TMTC2: variants seen among roughly 807,000 people sequenced by gnomAD.
TMTC2 encodes protein O-mannosyl-transferase TMTC2.
Under a neutral mutation model 82.4 loss-of-function variants are expected in TMTC2, and 43 were observed. The ratio of observed to expected loss-of-function variants is 0.52; its 90% CI spans 0.41 to 0.67. The LOEUF is 0.67. Among genes scored for constraint, TMTC2 ranks in the 30% least tolerant of loss-of-function variants. TMTC2 has a pLI of 0.00. For synonymous variants in TMTC2, 408 were observed against 381.9 expected (o/e 1.07, Z -0.80); for missense variants, 919 against 1,012.4 (o/e 0.91, Z 1.25).
intron 8 of TMTC2, among the ~76,000 whole-genome samples, chr12:82,991,704 C>T (rs1879410669): frequency 6.6e-6 from 1 of 152,036 alleles, no homozygotes; most frequent in Non-Finnish European, 1.5e-5. Flanking sequence ...TGATTTATTC[C>T]TTGTTTGAAC....
chr12:82,876,037 T>TGGG (rs1167106090), intron 2 of TMTC2, among the ~76,000 whole-genome samples: 2 of 97,214 alleles, frequency 2.1e-5, no homozygotes, highest in South Asian at 4.0e-4. Flanking sequence ...GCGGTGGTGG[T>TGGG]GGTGGTGGTG....
rs1024282628 is a variant in TMTC2, at chr12:82,755,845, T to G, written c.83+68176T>G. On this transcript the variant is annotated intron_variant, in intron 1 of 11. Coordinates refer to ENST00000321196, the MANE Select transcript of TMTC2 (RefSeq NM_152588.3). ...TGTCATTGATTTTTGTTGTGGTGGT[T>G]GTTGTTAGTATTTTTCTTAAAAAAT... Among the ~76,000 whole-genome samples the G allele has an allele frequency of 5.9e-5, 9 of 152,232 alleles. No homozygotes were observed. The South Asian group carries it at 6.2e-4, about 11-fold the overall frequency.
At chr12:83,052,393 T>G (rs952042232) in intron 10 of TMTC2, among the ~76,000 whole-genome samples, 3 of 152,084 alleles carry the variant, frequency 2.0e-5, no homozygotes, top group Non-Finnish European at 4.4e-5. Context: ...CAAAGGGAAA[T>G]CAGGATTCAA....
At chr12:82,796,315 T>C (rs1878716080) in intron 1 of TMTC2, among the ~76,000 whole-genome samples, 1 of 152,124 alleles carries the variant, frequency 6.6e-6, no homozygotes, top group Non-Finnish European at 1.5e-5. Flanking sequence ...ATGATTTTTA[T>C]TTGCTATAAA....
chr12:82,689,781 C>A lies in TMTC2; in HGVS notation c.83+2112C>A, dbSNP rs144580562. Among the ~76,000 whole-genome samples the A allele has an allele frequency of 2.0e-3, 298 of 152,222 alleles. 1 individual carries two copies. Among genetic ancestry groups the A allele is most frequent in the African/African-American group, 6.7e-3 (278 of 41,544 alleles). On this transcript the variant is annotated intron_variant, in intron 1 of 11. Coordinates refer to ENST00000321196, the MANE Select transcript of TMTC2 (RefSeq NM_152588.3). ...GAGTGTTAAAATTCGTGACTTCTATCTTGTAGCTACATAGGTGAATATAGT... is the reference window on the plus strand; with the variant it reads ...GAGTGTTAAAATTCGTGACTTCTATATTGTAGCTACATAGGTGAATATAGT...
intron 7 of TMTC2, among the ~76,000 whole-genome samples, chr12:82,985,238 G>C (rs1370092328): frequency 6.6e-6 from 1 of 151,700 alleles, no homozygotes; most frequent in Non-Finnish European, 1.5e-5. Flanking sequence ...TTTTTTCAGA[G>C]ATGGAGTTTC....
intron 1 of TMTC2, among the ~76,000 whole-genome samples, chr12:82,796,855 TA>T: frequency 6.6e-6 from 1 of 152,252 alleles, no homozygotes; most frequent in African/African-American, 2.4e-5. Context: ...TCAACCCCTC[TA>T]AGCCTCAGTT....
chr12:83,005,747 A>G (rs1655593), intron 8 of TMTC2, among the ~76,000 whole-genome samples: 116,569 of 152,086 alleles, frequency 0.77, 46,215 homozygotes, highest in South Asian at 0.93. Flanking sequence ...CTCCCAGGCC[A>G]CTAGCAAAGC....
At chr12:82,881,201 G>GT (rs1365185779) in intron 2 of TMTC2, among the ~76,000 whole-genome samples, 3 of 152,144 alleles carry the variant, frequency 2.0e-5, no homozygotes, top group African/African-American at 4.8e-5. Context: ...GTAAAATTCT[G>GT]TTTTAACTGA....
chr12:82,890,517 T>C (rs568322605), intron 2 of TMTC2, among the ~76,000 whole-genome samples: 1 of 152,328 alleles, frequency 6.6e-6, no homozygotes, highest in African/African-American at 2.4e-5. Context: ...CTTAAAACTT[T>C]GTGAAACAAG....
At chr12:82,702,553 A>G (rs1452020210) in intron 1 of TMTC2, among the ~76,000 whole-genome samples, 1 of 152,216 alleles carries the variant, frequency 6.6e-6, no homozygotes, top group Non-Finnish European at 1.5e-5. Context: ...TCTCAAGTCT[A>G]TGGAATTAAT....
chr12:82,842,847 A>C (rs1791903959), intron 1 of TMTC2, among the ~76,000 whole-genome samples: 1 of 152,132 alleles, frequency 6.6e-6, no homozygotes, highest in African/African-American at 2.4e-5. Flanking sequence ...CTTGGACACC[A>C]GTCATGTTGG....
At chr12:82,783,886 A>G (rs1878034771) in intron 1 of TMTC2, among the ~76,000 whole-genome samples, 2 of 152,058 alleles carry the variant, frequency 1.3e-5, no homozygotes, top group African/African-American at 4.8e-5. Flanking sequence ...TCAATTGTTG[A>G]AATATGGGAT....
intron 1 of TMTC2, among the ~76,000 whole-genome samples, chr12:82,729,975 C>T (rs943457675): frequency 6.6e-6 from 1 of 152,118 alleles, no homozygotes; most frequent in Non-Finnish European, 1.5e-5. Context: ...GGAAGGTCTG[C>T]AGCTTCACTC....
rs189406102 is a variant in TMTC2 at position 82,798,478 on chromosome 12, C to G, written c.84-58532C>G. On this transcript the variant is annotated intron_variant, in intron 1 of 11. Transcript: ENST00000321196. ...TGCCACTGCACTCCGGCCTGCGCGA[C>G]AGAGGGAGACTCGTCTCAAAAAAAA... Among the ~76,000 whole-genome samples the G allele has an allele frequency of 3.7e-5, 4 of 108,442 alleles. No individual in the cohort carries two copies. The East Asian group carries it at 8.4e-4, about 23-fold the overall frequency. 71.1% of individuals were successfully genotyped at this position (108,442 alleles called of 152,430 possible). A position where few individuals can be genotyped will look rare whatever the true frequency, so the allele number is the denominator to read the frequency against.
At position 83,132,287 on chromosome 12, in the gene TMTC2, G is replaced by A. The variant is rs147218082; in HGVS notation, c.2409G>A (p.Leu803=). 9 of 1,613,940 alleles carry A rather than the reference G, an allele frequency of 5.6e-6. No individual in the cohort carries two copies. In the African/African-American group the frequency reaches 1.1e-4, roughly 19 times the overall value. The change falls in exon 12 of 12, where the codon CTG becomes CTA. Residue 803 remains leucine, a synonymous_variant. Transcript: ENST00000321196. ...GRLQKAEANY[L]RALQLKPDDV... ...TCCAGAAGGCCGAGGCCAACTACCT[G>A]CGGGCCCTGCAGCTCAAGCCAGACG...
chr12:82,738,122 C>A (rs1307437476), intron 1 of TMTC2, among the ~76,000 whole-genome samples: 1 of 152,104 alleles, frequency 6.6e-6, no homozygotes, highest in Non-Finnish European at 1.5e-5. Flanking sequence ...TAGTATAAGT[C>A]CTTTGGTCTA....
Position 83,132,684 on chromosome 12 carries a change from A to T in TMTC2, c.*295A>T, listed in dbSNP as rs147978702. Reference sequence around the variant, plus strand: ...CTTAAAAAGGGAGGGGTGGGTGTGTAAGTCACAGATTTTGTTCATTTTCTG... The same window carrying T: ...CTTAAAAAGGGAGGGGTGGGTGTGTTAGTCACAGATTTTGTTCATTTTCTG... On this transcript the variant is annotated 3_prime_UTR_variant, in exon 12 of 12. Transcript: ENST00000321196. 5.0e-5 allele frequency: 16 copies of T among 318,704 alleles called. No homozygotes were observed. Among genetic ancestry groups the T allele is most frequent in the Middle Eastern group, 8.3e-4 (1 of 1,204 alleles). The allele number at this position is 318,704 out of a possible 1,614,324, so 19.7% of individuals were successfully genotyped here.
chr12:82,802,348 G>A (rs1188332421), intron 1 of TMTC2, among the ~76,000 whole-genome samples: 2 of 152,182 alleles, frequency 1.3e-5, no homozygotes, highest in Non-Finnish European at 2.9e-5. Context: ...CTCCCCGCAA[G>A]CTGAGGGAGC....
Sources: gnomAD v4.1 joint callset for allele counts (sites outside exome capture counted in the v4.1 genomes callset) on GRCh38, gnomAD v4.1.1 for gene constraint, MANE v1.5 for transcripts, NCBI Gene and HGNC (gene_info 2026-07-23, HGNC 2026-07-21) for gene names.